The following CSNK1E variants were observed in gnomAD, a reference collection of about 807,000 sequenced individuals.
CSNK1E encodes the protein casein kinase 1 epsilon, also known as casein kinase I isoform epsilon.
In CSNK1E, 17 loss-of-function variants were observed where a neutral mutation model predicts 46.1. That is an observed-to-expected ratio of 0.37 (90% confidence interval 0.25 to 0.55). The LOEUF (loss-of-function observed/expected upper bound fraction) is 0.55. CSNK1E is among the 20% of genes least tolerant of loss of function. The pLI, the probability that CSNK1E is intolerant of heterozygous loss-of-function variation, is 0.82. For missense variants in CSNK1E, 386 were observed against 595.4 expected, an observed-to-expected ratio of 0.65 and a Z score of 3.66; for synonymous variants, 241 against 242.6, an observed-to-expected ratio of 0.99 and a Z score of 0.06.
rs1287674187 is a variant in CSNK1E at position 38,311,501 on chromosome 22, A to G, written c.76+2581T>C. ...ATGGGCCTGTCTCCTGTCTGCAAAA[A>G]GAGCGACGGGACCTGGGATGGGCGC... is the stretch of plus-strand genomic sequence containing the variant. On this transcript the variant is annotated intron_variant, in intron 2 of 10. Coordinates refer to ENST00000396832, the MANE Select transcript of CSNK1E (RefSeq NM_152221.3). 4.6e-5 allele frequency among the ~76,000 whole-genome samples: 7 copies of G among 152,196 alleles called. No homozygotes were observed. In the East Asian group the frequency reaches 1.3e-3, roughly 29 times the overall value.
At chr22:38,317,838 C>A (rs919962505), upstream of CSNK1E, 8 of 152,192 alleles carry the variant, frequency 5.3e-5, no homozygotes, top group Non-Finnish European at 7.3e-5. Flanking sequence ...CACGACACTG[C>A]AAAAGATGTT....
At position 38,314,069 on chromosome 22, in the gene CSNK1E, T is replaced by C. The variant is rs180982614; in HGVS notation, c.76+13A>G. 1.2e-5 allele frequency: 20 copies of C among 1,612,058 alleles called. No individual in the cohort carries two copies. In the African/African-American group the frequency reaches 1.5e-4, roughly 12 times the overall value. ...TGGCCCCAGGGGCTCCAGCTGGAGC[T>C]AGGAACACTTACCCAGGTAGATATC... On this transcript the variant is annotated intron_variant, in intron 2 of 10. Coordinates refer to ENST00000396832, the MANE Select transcript of CSNK1E (RefSeq NM_152221.3).
intron 1 of CSNK1E, among the ~76,000 whole-genome samples, chr22:38,316,434 T>G (rs1425039434): frequency 6.6e-6 from 1 of 152,114 alleles, no homozygotes; most frequent in Non-Finnish European, 1.5e-5. Flanking sequence ...GCAAGAAAAC[T>G]AAGGGAAAAG....
rs2092712905 is a variant in CSNK1E at position 38,309,700 on chromosome 22, C to A, written c.76+4382G>T. Reference sequence around the variant, plus strand: ...AAACTCCTGACCTCAAATGATCTGCCCGCCTTGGTCTCCCAAGTGCTGGGA... The same window carrying A: ...AAACTCCTGACCTCAAATGATCTGCACGCCTTGGTCTCCCAAGTGCTGGGA... On this transcript the variant is annotated intron_variant, in intron 2 of 10. Transcript: ENST00000396832. The surrounding 1 kb of genome is among the most constrained non-coding windows in gnomAD (Gnocchi z 4.8). Among the ~76,000 whole-genome samples, 1 of 152,176 alleles carries A rather than the reference C, an allele frequency of 6.6e-6. No individual in the cohort carries two copies. Among genetic ancestry groups the A allele is most frequent in the African/African-American group, 2.4e-5 (1 of 41,436 alleles).
rs2092683464 is a variant in CSNK1E, at chr22:38,303,315, C to T, written c.77-67G>A. ...AGGCCAGGCAGTCCCAGGCGCCCCACTAAGCATTTCTGAGATCTGGCGTGT... is the reference window on the plus strand; with the variant it reads ...AGGCCAGGCAGTCCCAGGCGCCCCATTAAGCATTTCTGAGATCTGGCGTGT... On this transcript the variant is annotated intron_variant, in intron 2 of 10. Transcript: ENST00000396832. The surrounding 1 kb of genome is among the most constrained non-coding windows in gnomAD (Gnocchi z 4.7). 1.5e-6 allele frequency: 2 copies of T among 1,352,590 alleles called. No individual in the cohort carries two copies. The highest frequency in any genetic ancestry group is 2.0e-6 in the Non-Finnish European group (2 of 987,978). The allele number at this position is 1,352,590 out of a possible 1,614,324, so 83.8% of individuals were successfully genotyped here.
chr22:38,293,419 T>C, intron 9 of CSNK1E, 100 bp from the exon 10 acceptor site: 1 of 756,414 alleles, frequency 1.3e-6, no homozygotes, highest in Non-Finnish European at 2.2e-6. Context: ...TTGGCAAGTC[T>C]CTCCCCACTG....
chr22:38,304,242 C>G (rs569307125), intron 2 of CSNK1E, among the ~76,000 whole-genome samples: 1 of 152,174 alleles, frequency 6.6e-6, no homozygotes, highest in South Asian at 2.1e-4. Flanking sequence ...AGGAGGAGTT[C>G]AAGACAGGAG....
rs1373117239 is a variant in CSNK1E, at chr22:38,298,260, G to A, written c.885+526C>T. On this transcript the variant is annotated intron_variant, in intron 7 of 10. Transcript: ENST00000396832. The surrounding 1 kb of genome is among the most constrained non-coding windows in gnomAD (Gnocchi z 4.2). ...CAATTTCACAGATTCCAGAGCTCTG[G>A]GTACGGCCGGCCAATGCTGCTCCCC... 5.5e-6 allele frequency: 7 copies of A among 1,270,236 alleles called. No homozygotes were observed. Among genetic ancestry groups the A allele is most frequent in the Non-Finnish European group, 7.2e-6 (7 of 966,144 alleles). The allele number at this position is 1,270,236 out of a possible 1,614,324, so 78.7% of individuals were successfully genotyped here. A position where few individuals can be genotyped will look rare whatever the true frequency, so the allele number is the denominator to read the frequency against.
At chr22:38,299,119 G>A (rs1189041496) in intron 6 of CSNK1E, among the ~76,000 whole-genome samples, 185 bp from the exon 7 acceptor site, 3 of 152,208 alleles carry the variant, frequency 2.0e-5, no homozygotes, top group African/African-American at 7.2e-5. Flanking sequence ...GCCTGCCCGT[G>A]AGCAGAGCCT....
chr22:38,313,258 G>A (rs2092728798), intron 2 of CSNK1E, among the ~76,000 whole-genome samples: 1 of 152,194 alleles, frequency 6.6e-6, no homozygotes, highest in Non-Finnish European at 1.5e-5. Flanking sequence ...TGTCTAGCCT[G>A]CTTCTGAGGG....
At chr22:38,296,345 A>T in intron 7 of CSNK1E, 1 of 1,364,682 alleles carries the variant, frequency 7.3e-7, no homozygotes, top group East Asian at 2.8e-5. Flanking sequence ...CTCGGAACAC[A>T]GTGGCTGTAT....
chr22:38,307,436 C>T (rs2092703244), intron 2 of CSNK1E, among the ~76,000 whole-genome samples: 1 of 151,752 alleles, frequency 6.6e-6, no homozygotes, highest in African/African-American at 2.4e-5. Flanking sequence ...CCTGTAATCC[C>T]AGCTCTCAGG....
chr22:38,299,938 C>T lies in CSNK1E; in HGVS notation c.693G>A (p.Lys231=), dbSNP rs761035222. 4 of 1,614,210 alleles carry T rather than the reference C, an allele frequency of 2.5e-6. No homozygotes were observed. The highest frequency in any genetic ancestry group is 4.5e-5 in the East Asian group (2 of 44,884). Reference sequence around the variant, plus strand: ...GGACCTCGATGGGCGTTGACATCTTCTTCTCGCTGATCCGTTCATACTTCT... The same window carrying T: ...GGACCTCGATGGGCGTTGACATCTTTTTCTCGCTGATCCGTTCATACTTCT... ...KRQKYERISE[K]KMSTPIEVLC... Residue 231 remains lysine, a synonymous_variant, in exon 6 of 11, where the codon AAG becomes AAA. Transcript: ENST00000396832.
rs575740799 is a variant in CSNK1E at position 38,298,268 on chromosome 22, C to T, written c.885+518G>A. The T allele has an allele frequency of 1.1e-5, 14 of 1,228,160 alleles. No individual in the cohort carries two copies. In the East Asian group the frequency reaches 3.4e-4, roughly 30 times the overall value. The allele number at this position is 1,228,160 out of a possible 1,614,324, so 76.1% of individuals were successfully genotyped here. On this transcript the variant is annotated intron_variant, in intron 7 of 10. Transcript: ENST00000396832. The surrounding 1 kb of genome is among the most constrained non-coding windows in gnomAD (Gnocchi z 4.2). ...CAGATTCCAGAGCTCTGGGTACGGC[C>T]GGCCAATGCTGCTCCCCACCCAACC...
intron 2 of CSNK1E, among the ~76,000 whole-genome samples, chr22:38,304,148 C>A (rs1317217372): frequency 6.6e-6 from 1 of 152,086 alleles, no homozygotes; most frequent in Non-Finnish European, 1.5e-5. Flanking sequence ...CTTCCTGGGG[C>A]CAGCAGCGAG....
chr22:38,292,317 C>CTAT (rs1177753078), intron 10 of CSNK1E: 1 of 152,216 alleles, frequency 6.6e-6, no homozygotes, highest in Non-Finnish European at 1.5e-5. Context: ...GTCCCTTGGT[C>CTAT]TATCTCCCTC....
chr22:38,297,218 C>A (rs556176665), intron 7 of CSNK1E: 4 of 756,774 alleles, frequency 5.3e-6, no homozygotes, highest in African/African-American at 5.1e-5. Flanking sequence ...CCATCACGAA[C>A]CAGACGTGGG....
In CSNK1E at chr22:38,303,044, AG is replaced by A. The variant is rs759749090; in HGVS notation, c.188-36del. Reference sequence around the variant, plus strand: ...AAGCAGAGGGCCTCTGTCAGGGGTCAGAGGCAGGCAGCCAGCCACGCCCGGC... The same window carrying A: ...AAGCAGAGGGCCTCTGTCAGGGGTCAAGGCAGGCAGCCAGCCACGCCCGGC... On this transcript the variant is annotated intron_variant, in intron 3 of 10. Coordinates refer to ENST00000396832, the MANE Select transcript of CSNK1E (RefSeq NM_152221.3). This position sits in a 1 kb window ranked among gnomAD's most constrained non-coding sequence, Gnocchi z 4.7. 6 of 1,463,740 alleles carry A rather than the reference AG, an allele frequency of 4.1e-6. No individual in the cohort carries two copies. The East Asian group carries it at 1.2e-4, about 30-fold the overall frequency. 90.7% of individuals were successfully genotyped at this position (1,463,740 alleles called of 1,614,324 possible).
At chr22:38,293,851 G>A in intron 9 of CSNK1E, 1 of 520,406 alleles carries the variant, frequency 1.9e-6, no homozygotes, top group Non-Finnish European at 3.4e-6. Context: ...TGGGCCCCTG[G>A]CAGCGAGGAC....
Sources: allele counts gnomAD v4.1 joint callset (sites outside exome capture counted in the v4.1 genomes callset), GRCh38; gene constraint gnomAD v4.1.1; non-coding constraint Gnocchi (gnomAD v3.1); transcripts MANE v1.5; gene names NCBI Gene and HGNC (gene_info 2026-07-23, HGNC 2026-07-21).